Variants in NEK10 observed in about 807,000 individuals in gnomAD.
The protein encoded by NEK10 is serine/threonine-protein kinase Nek10.
Under a neutral mutation model 159.8 loss-of-function variants are expected in NEK10, and 122 were observed. The observed-to-expected ratio is 0.76, with a 90% CI of 0.66 to 0.89. The LOEUF (loss-of-function observed/expected upper bound fraction) is 0.89. NEK10 is among the 40% of genes least tolerant of loss of function. The probability of loss-of-function intolerance (pLI) is 0.00; values close to 1 mark genes in which losing one functional copy is unlikely to be tolerated. For missense variants in NEK10, 1,342 were observed against 1,323.1 expected (o/e 1.01, Z -0.22); for synonymous variants, 466 against 457.1 (o/e 1.02, Z -0.25).
At chr3:27,320,471 C>T (rs550398843) in intron 6 of NEK10, among the ~76,000 whole-genome samples, 30 of 152,268 alleles carry the variant, frequency 2.0e-4, no homozygotes, top group African/African-American at 4.3e-4. Flanking sequence ...GAATAAAAGA[C>T]GGCACTATGA....
chr3:27,269,099 T>C (rs1005869189), intron 22 of NEK10, among the ~76,000 whole-genome samples: 5 of 152,280 alleles, frequency 3.3e-5, no homozygotes, highest in African/African-American at 1.2e-4. Flanking sequence ...ACAATAAAAC[T>C]TGAACGGATG....
At position 27,347,368 on chromosome 3, in the gene NEK10, G is replaced by A. The variant is rs1356223679; in HGVS notation, c.133-1152C>T. ...AAATACAAAATTAGCCAGGTGTGGT[G>A]GCACATGCCTGTAATCCCAGCTACT... On this transcript the variant is annotated intron_variant, in intron 3 of 35. Coordinates refer to ENST00000691995, the MANE Select transcript of NEK10 (RefSeq NM_001394966.1). Among the ~76,000 whole-genome samples the A allele has an allele frequency of 2.6e-5, 4 of 152,004 alleles. No individual in the cohort carries two copies. The East Asian group carries it at 7.8e-4, about 29-fold the overall frequency.
At chr3:27,265,981 G>A (rs1364859814) in intron 22 of NEK10, among the ~76,000 whole-genome samples, 1 of 151,660 alleles carries the variant, frequency 6.6e-6, no homozygotes, top group African/African-American at 2.4e-5. Context: ...TAATTTTTTT[G>A]TATTTTTAGT....
At chr3:27,225,599 C>G (rs1336369283) in intron 23 of NEK10, among the ~76,000 whole-genome samples, 1 of 152,148 alleles carries the variant, frequency 6.6e-6, no homozygotes, top group Non-Finnish European at 1.5e-5. Context: ...CTGGAGTACC[C>G]AGCAGTCAGG....
chr3:27,202,138 G>A (rs906799628), intron 24 of NEK10, among the ~76,000 whole-genome samples: 2 of 151,504 alleles, frequency 1.3e-5, no homozygotes, highest in African/African-American at 2.4e-5. Flanking sequence ...CTGACAGAGT[G>A]AGACTCTGTC....
At chr3:27,149,616 G>T (rs1005320754) in intron 30 of NEK10, among the ~76,000 whole-genome samples, 2 of 152,070 alleles carry the variant, frequency 1.3e-5, no homozygotes, top group Non-Finnish European at 2.9e-5. Context: ...TTAATGGATG[G>T]ATGTTGTGTG....
chr3:27,181,749 G>A (rs1948126864), intron 26 of NEK10, among the ~76,000 whole-genome samples: 1 of 152,212 alleles, frequency 6.6e-6, no homozygotes. Flanking sequence ...TCACTATGAA[G>A]GAGGGAGTCT....
At chr3:27,155,232 G>C (rs1345757374) in intron 30 of NEK10, among the ~76,000 whole-genome samples, 1 of 152,084 alleles carries the variant, frequency 6.6e-6, no homozygotes, top group African/African-American at 2.4e-5. Context: ...GGCTGGGCGT[G>C]GTGGCTCACA....
chr3:27,170,504 G>T (rs1946873396), intron 29 of NEK10, among the ~76,000 whole-genome samples: 1 of 152,090 alleles, frequency 6.6e-6, no homozygotes, highest in Admixed American at 6.5e-5. Context: ...GGCTAAGGTG[G>T]GTGGATCTCC....
At chr3:27,143,680 TA>T (rs547496929) in intron 30 of NEK10, among the ~76,000 whole-genome samples, 31 of 152,154 alleles carry the variant, frequency 2.0e-4, no homozygotes, top group South Asian at 2.1e-4. Flanking sequence ...CATGCCCCTA[TA>T]AAAACAAGCA....
At chr3:27,118,177 G>A (rs1201365878) in intron 33 of NEK10, among the ~76,000 whole-genome samples, 1 of 152,146 alleles carries the variant, frequency 6.6e-6, no homozygotes, top group African/African-American at 2.4e-5. Flanking sequence ...ATTGGTCTAT[G>A]TGTCTGTTTT....
chr3:27,294,813 TA>T (rs1275993982), intron 15 of NEK10, among the ~76,000 whole-genome samples: 1 of 152,164 alleles, frequency 6.6e-6, no homozygotes, highest in Non-Finnish European at 1.5e-5. Flanking sequence ...AGACTAACTT[TA>T]AATCAGATTT....
intron 23 of NEK10, among the ~76,000 whole-genome samples, chr3:27,237,250 T>C (rs778269116): frequency 1.3e-5 from 2 of 152,172 alleles, no homozygotes; most frequent in African/African-American, 2.4e-5. Context: ...TTCATATTGT[T>C]CAAACATGCA....
At chr3:27,319,799 G>A (rs1300700199) in intron 6 of NEK10, among the ~76,000 whole-genome samples, 1 of 152,202 alleles carries the variant, frequency 6.6e-6, no homozygotes, top group East Asian at 1.9e-4. Context: ...AGCTCCCACT[G>A]GGATGGCCTT....
intron 22 of NEK10, among the ~76,000 whole-genome samples, chr3:27,259,204 C>T (rs1220397666): frequency 6.6e-6 from 1 of 152,146 alleles, no homozygotes; most frequent in Non-Finnish European, 1.5e-5. Flanking sequence ...TTTTGCTGTG[C>T]AGAAGCTCTT....
rs2042698279 is a variant in NEK10 at position 27,287,392 on chromosome 3, C to CAT, written c.1789+304_1789+305dup. On this transcript the variant is annotated intron_variant, in intron 20 of 35. Coordinates refer to ENST00000691995, the MANE Select transcript of NEK10 (RefSeq NM_001394966.1). Reference sequence around the variant, plus strand: ...TTCTTTTCTTAAGGAAACCACCATCCATTAGTTTTCTTTTTCCTTGATCCT... The same window carrying CAT: ...TTCTTTTCTTAAGGAAACCACCATCCATATTAGTTTTCTTTTTCCTTGATCCT... 2.0e-5 allele frequency among the ~76,000 whole-genome samples: 3 copies of CAT among 152,300 alleles called. No individual in the cohort carries two copies. In the South Asian group the frequency reaches 6.2e-4, roughly 32 times the overall value.
Position 27,312,085 on chromosome 3 carries a change from G to C in NEK10, c.568+14C>G. 6.3e-7 allele frequency: 1 copy of C among 1,585,278 alleles called. No individual in the cohort carries two copies. The highest frequency in any genetic ancestry group is 8.7e-7 in the Non-Finnish European group (1 of 1,154,886). ...AGTCCACAAAAATGGCTGTGTCCCT[G>C]CAATAACACTTACATGTCATGTTGA... On this transcript the variant is annotated intron_variant, in intron 8 of 35. Transcript: ENST00000691995.
intron 30 of NEK10, among the ~76,000 whole-genome samples, chr3:27,158,758 C>G (rs1945741518): frequency 6.6e-6 from 1 of 152,158 alleles, no homozygotes; most frequent in Admixed American, 6.6e-5. Flanking sequence ...TATATTTGCA[C>G]TTGAAAATTT....
intron 30 of NEK10, among the ~76,000 whole-genome samples, chr3:27,148,276 T>C (rs1406671077): frequency 1.3e-5 from 2 of 152,272 alleles, no homozygotes; most frequent in Non-Finnish European, 2.9e-5. Context: ...AGGGAATTAA[T>C]AGAAGCTTAA....
Sources: allele counts gnomAD v4.1 joint callset (sites outside exome capture counted in the v4.1 genomes callset), GRCh38; gene constraint gnomAD v4.1.1; transcripts MANE v1.5; gene names NCBI Gene and HGNC (gene_info 2026-07-23, HGNC 2026-07-21).